Variants in SUPT3H observed in about 807,000 individuals in gnomAD.
The protein encoded by SUPT3H is SPT3 homolog, SAGA and STAGA complex component.
Under a neutral mutation model 44.3 loss-of-function variants are expected in SUPT3H, and 44 were observed. The observed-to-expected ratio is 0.99, with a 90% CI of 0.78 to 1.28. SUPT3H has a LOEUF of 1.28. Ranked by LOEUF, SUPT3H falls within the 50% of genes most tolerant of loss-of-function variation. The pLI is 0.00. For missense variants in SUPT3H, 380 were observed against 387.1 expected (o/e 0.98, Z 0.15); for synonymous variants, 124 against 125.6 (o/e 0.99, Z 0.09).
intron 2 of SUPT3H, among the ~76,000 whole-genome samples, chr6:45,344,661 T>C (rs1428196423): frequency 6.6e-6 from 1 of 152,172 alleles, no homozygotes; most frequent in African/African-American, 2.4e-5. Flanking sequence ...CAAAAGCATG[T>C]TAACTTTTTA....
At chr6:45,063,827 G>A (rs1451669570) in intron 3 of SUPT3H, among the ~76,000 whole-genome samples, 9 of 142,112 alleles carry the variant, frequency 6.3e-5, no homozygotes, top group South Asian at 2.3e-4. Context: ...CCAAATCTAC[G>A]TCTGATTGGT....
intron 10 of SUPT3H, among the ~76,000 whole-genome samples, chr6:44,888,867 C>A (rs1469408975): frequency 1.4e-5 from 2 of 145,390 alleles, no homozygotes; most frequent in African/African-American, 5.1e-5. Flanking sequence ...CTAGAAAACC[C>A]CATCGTCTCA....
At chr6:45,007,918 T>A (rs1395474830) in intron 5 of SUPT3H, among the ~76,000 whole-genome samples, 1 of 152,194 alleles carries the variant, frequency 6.6e-6, no homozygotes, top group Admixed American at 6.5e-5. Flanking sequence ...AGACATTTCA[T>A]ATAAATAGAA....
chr6:44,914,227 T>C (rs1203869660), intron 10 of SUPT3H, among the ~76,000 whole-genome samples: 1 of 152,192 alleles, frequency 6.6e-6, no homozygotes, highest in Non-Finnish European at 1.5e-5. Context: ...ATTAAAGAGT[T>C]TTATCAGTGA....
chr6:45,127,917 A>C (rs544810326), intron 2 of SUPT3H, among the ~76,000 whole-genome samples: 40 of 152,248 alleles, frequency 2.6e-4, no homozygotes, highest in African/African-American at 9.6e-4. Context: ...CATAGGGTGA[A>C]TTTTTAAAAT....
rs778465205 is a variant in SUPT3H, at chr6:44,932,724, T to G, written c.841A>C (p.Ile281Leu). The G allele has an allele frequency of 1.2e-6, 2 of 1,610,742 alleles. No individual in the cohort carries two copies. The highest frequency in any genetic ancestry group is 2.7e-5 in the African/African-American group (2 of 74,688). Reference protein sequence around the residue: ...ACGVEAHSDAIQPCHIREAIR... With the variant: ...ACGVEAHSDALQPCHIREAIR... ...GCCTCTCTGATGTGGCAGGGCTGGA[T>G]GGCATCGCTGTGAGCCTCAACACCA... Residue 281 changes from isoleucine (I) to leucine (L), a missense_variant, in exon 10 of 11, where the codon ATC (isoleucine) becomes CTC (leucine). Physicochemically the swap from Ile to Leu is conservative, Grantham distance 5 (BLOSUM62 2). Transcript: ENST00000371459.
chr6:44,996,689 T>C (rs144811805), intron 6 of SUPT3H, among the ~76,000 whole-genome samples: 2,948 of 152,006 alleles, frequency 0.019, 55 homozygotes, highest in South Asian at 0.086. Context: ...CACAGTGTAT[T>C]TGACAACATC....
chr6:44,959,147 C>T (rs1775652631), intron 7 of SUPT3H, among the ~76,000 whole-genome samples: 1 of 152,066 alleles, frequency 6.6e-6, no homozygotes, highest in African/African-American at 2.4e-5. Context: ...GCCTCGGTCT[C>T]CCAAAGCACT....
intron 2 of SUPT3H, among the ~76,000 whole-genome samples, chr6:45,108,805 T>C (rs1392870497): frequency 6.6e-6 from 1 of 152,082 alleles, no homozygotes; most frequent in African/African-American, 2.4e-5. Flanking sequence ...TTTCAGTCAA[T>C]ATAATATTTA....
intron 10 of SUPT3H, among the ~76,000 whole-genome samples, chr6:44,878,392 C>T (rs549298024): frequency 6.6e-6 from 1 of 152,078 alleles, no homozygotes; most frequent in Admixed American, 6.5e-5. Flanking sequence ...TTTCTAATCT[C>T]CTATCATAAA....
At chr6:44,850,745 C>CATCTATCTATCTATCTATCTATCT (rs56936002) in intron 10 of SUPT3H, among the ~76,000 whole-genome samples, 5 of 147,436 alleles carry the variant, frequency 3.4e-5, no homozygotes, top group South Asian at 2.2e-4. Flanking sequence ...GTTTTATATA[C>CATCTATCTATCTATCTATCTATCT]ATCTATCTAT....
chr6:45,265,473 A>G (rs890854591), intron 2 of SUPT3H, among the ~76,000 whole-genome samples: 1 of 152,106 alleles, frequency 6.6e-6, no homozygotes, highest in African/African-American at 2.4e-5. Context: ...ATAACTTTCA[A>G]AAGTTTTTTA....
rs1476854260 is a variant in SUPT3H, at chr6:45,187,117, A to AG, written c.102-81112_102-81111insC. ...TTTCGCCTTTAAAAAAAAAAAAAAAAAAAAAAAAAAAAGATGGCCAGATGC... is the reference window on the plus strand; with the variant it reads ...TTTCGCCTTTAAAAAAAAAAAAAAAAGAAAAAAAAAAAAGATGGCCAGATGC... On this transcript the variant is annotated intron_variant, in intron 2 of 10. Transcript: ENST00000371459. Among the ~76,000 whole-genome samples the AG allele has an allele frequency of 4.0e-5, 6 of 150,442 alleles. No homozygotes were observed. The East Asian group carries it at 1.2e-3, about 29-fold the overall frequency.
At chr6:45,256,236 C>G (rs1773380042) in intron 2 of SUPT3H, among the ~76,000 whole-genome samples, 1 of 152,120 alleles carries the variant, frequency 6.6e-6, no homozygotes, top group African/African-American at 2.4e-5. Context: ...GTCTGTTCAG[C>G]CTGCTATAGC....
At position 44,987,318 on chromosome 6, in the gene SUPT3H, C is replaced by T. The variant is rs896567776; in HGVS notation, c.504+16335G>A. On this transcript the variant is annotated intron_variant, in intron 6 of 10. Transcript: ENST00000371459. ...GGGGGTGGGTGGGAAGAGGGCAATT[C>T]AGTCCATAGCCCCTTTTTATGGGAT... Among the ~76,000 whole-genome samples the T allele has an allele frequency of 8.0e-4, 122 of 152,018 alleles. 2 individuals carry two copies. The highest frequency in any genetic ancestry group is 2.8e-3 in the African/African-American group (116 of 41,504).
chr6:45,023,161 GA>G (rs373426308), intron 3 of SUPT3H, among the ~76,000 whole-genome samples: 1 of 145,250 alleles, frequency 6.9e-6, no homozygotes, highest in South Asian at 2.2e-4. Context: ...ACAAGCATTT[GA>G]AAAAAAAAGC....
intron 2 of SUPT3H, among the ~76,000 whole-genome samples, chr6:45,321,226 T>C (rs1378933846): frequency 6.6e-6 from 1 of 152,132 alleles, no homozygotes; most frequent in East Asian, 1.9e-4. Context: ...AATTGCTGTA[T>C]AGCCCAAGCT....
chr6:44,976,887 G>A (rs1417617745), intron 6 of SUPT3H, among the ~76,000 whole-genome samples: 1 of 152,162 alleles, frequency 6.6e-6, no homozygotes, highest in Non-Finnish European at 1.5e-5. Flanking sequence ...ATGCAGAAGA[G>A]CAAAATCCTC....
chr6:45,264,574 T>A (rs1370896034), intron 2 of SUPT3H, among the ~76,000 whole-genome samples: 14 of 152,296 alleles, frequency 9.2e-5, no homozygotes, highest in African/African-American at 3.4e-4. Flanking sequence ...GTTATAAGGT[T>A]CCTGTTGTTT....
Sources: gnomAD v4.1 joint callset for allele counts (sites outside exome capture counted in the v4.1 genomes callset) on GRCh38, gnomAD v4.1.1 for gene constraint, MANE v1.5 for transcripts, NCBI Gene and HGNC (gene_info 2026-07-23, HGNC 2026-07-21) for gene names.